Variants in TMEM178B observed in about 807,000 individuals in gnomAD.
The protein encoded by TMEM178B is transmembrane protein 178B.
In TMEM178B, 5 loss-of-function variants were observed where a neutral mutation model predicts 31.0. The observed-to-expected ratio is 0.16, with a 90% CI of 0.08 to 0.34. The LOEUF is 0.34. TMEM178B is among the 10% of genes least tolerant of loss of function. The pLI, the probability that TMEM178B is intolerant of heterozygous loss-of-function variation, is 1.00. For synonymous variants in TMEM178B, 164 were observed against 164.0 expected (o/e 1.00, Z 0.00); for missense variants, 275 against 400.3 (o/e 0.69, Z 2.67).
chr7:141,267,649 T>G (rs1299182351), intron 2 of TMEM178B, among the ~76,000 whole-genome samples: 2 of 152,242 alleles, frequency 1.3e-5, no homozygotes, highest in Non-Finnish European at 2.9e-5. Flanking sequence ...TACCAAGCCT[T>G]GTGTGCTTCA....
At chr7:141,457,751 G>A (rs1349008190) in intron 3 of TMEM178B, among the ~76,000 whole-genome samples, 1 of 152,190 alleles carries the variant, frequency 6.6e-6, no homozygotes. Flanking sequence ...AGGATTCTTT[G>A]TAATACTGAA....
intron 1 of TMEM178B, among the ~76,000 whole-genome samples, chr7:141,091,069 C>A (rs1468429983): frequency 6.6e-6 from 1 of 152,178 alleles, no homozygotes; most frequent in African/African-American, 2.4e-5. Flanking sequence ...TGATTCATAT[C>A]AAGGAAATAT....
intron 2 of TMEM178B, among the ~76,000 whole-genome samples, chr7:141,268,698 C>G (rs949923504): frequency 6.6e-6 from 1 of 152,076 alleles, no homozygotes; most frequent in African/African-American, 2.4e-5. Flanking sequence ...AGCATTTTTT[C>G]GAAGAATTGT....
At chr7:141,122,852 A>C (rs1012258211) in intron 1 of TMEM178B, among the ~76,000 whole-genome samples, 1 of 152,234 alleles carries the variant, frequency 6.6e-6, no homozygotes, top group Admixed American at 6.5e-5. Flanking sequence ...AGCTATGAAG[A>C]TAACCATTAC....
chr7:141,221,932 C>G (rs1352923436), intron 2 of TMEM178B, among the ~76,000 whole-genome samples: 1 of 152,248 alleles, frequency 6.6e-6, no homozygotes, highest in Non-Finnish European at 1.5e-5. Context: ...CCAGCCTAAC[C>G]TACTGAGTCA....
the TMEM178B span, among the ~76,000 whole-genome samples, chr7:141,509,651 AAAAAC>A: frequency 1.8e-3 from 274 of 152,284 alleles, 6 homozygotes; most frequent in East Asian, 0.04. Flanking sequence ...ATTCCTTCTC[AAAAAC>A]AAAACAAAAC....
At chr7:141,234,053 G>T (rs1409243476) in intron 2 of TMEM178B, among the ~76,000 whole-genome samples, 1 of 152,198 alleles carries the variant, frequency 6.6e-6, no homozygotes, top group Non-Finnish European at 1.5e-5. Context: ...CTTCTAAAAA[G>T]ATGTATGGTC....
intron 1 of TMEM178B, among the ~76,000 whole-genome samples, chr7:141,084,850 T>C (rs1447247783): frequency 3.3e-5 from 5 of 152,180 alleles, no homozygotes; most frequent in Admixed American, 2.6e-4. Flanking sequence ...AAACAGGTGA[T>C]TCAAAGATGA....
intron 2 of TMEM178B, chr7:141,429,966 A>G (rs1028406829): frequency 6.6e-5 from 10 of 152,268 alleles, no homozygotes; most frequent in Admixed American, 5.2e-4. Context: ...CTTTCCCAGC[A>G]GAGTCTCAGT....
intron 2 of TMEM178B, among the ~76,000 whole-genome samples, chr7:141,225,221 G>T (rs550298113): frequency 1.3e-5 from 2 of 152,196 alleles, no homozygotes; most frequent in South Asian, 2.1e-4. Context: ...CACATATCTC[G>T]TGCGGCAGGC....
intron 2 of TMEM178B, among the ~76,000 whole-genome samples, chr7:141,402,464 C>A (rs1281247367): frequency 6.6e-6 from 1 of 152,210 alleles, no homozygotes; most frequent in South Asian, 2.1e-4. Flanking sequence ...GGAGCTGCAT[C>A]TTGGTAGAGC....
rs116752982 is a variant in TMEM178B at position 141,340,835 on chromosome 7, G to A, written c.497-96773G>A. 8.5e-3 allele frequency among the ~76,000 whole-genome samples: 1,295 copies of A among 152,248 alleles called. 21 individuals carry two copies. The highest frequency in any genetic ancestry group is 0.029 in the African/African-American group (1,214 of 41,538). On this transcript the variant is annotated intron_variant, in intron 2 of 3. Transcript: ENST00000565468. The stretch of plus-strand genomic sequence containing the variant: ...AGAAAACAGCTTCTCTCCCTCTCGG[G>A]TGTATACAGAATACTGTATGCTGTT...
intron 1 of TMEM178B, among the ~76,000 whole-genome samples, chr7:141,175,478 G>GT: frequency 6.6e-6 from 1 of 152,098 alleles, no homozygotes; most frequent in Non-Finnish European, 1.5e-5. Flanking sequence ...ATTTAAAGTA[G>GT]TTTTTTCCAA....
intron 2 of TMEM178B, among the ~76,000 whole-genome samples, chr7:141,336,608 A>G (rs1249993074): frequency 1.3e-5 from 2 of 152,150 alleles, no homozygotes; most frequent in East Asian, 3.9e-4. Context: ...TCTTAGTTTT[A>G]TCATAAGGAT....
intron 3 of TMEM178B, among the ~76,000 whole-genome samples, chr7:141,459,545 T>A (rs574420826): frequency 9.3e-4 from 142 of 152,230 alleles, no homozygotes; most frequent in African/African-American, 3.3e-3. Flanking sequence ...TTTTAAAGAT[T>A]CAGAAAAAGT....
intron 2 of TMEM178B, among the ~76,000 whole-genome samples, chr7:141,328,749 T>G (rs1351979291): frequency 6.6e-6 from 1 of 152,214 alleles, no homozygotes; most frequent in Non-Finnish European, 1.5e-5. Flanking sequence ...CCAGGTTAAA[T>G]GACCTAGGCC....
At chr7:141,350,798 C>A (rs1184648387) in intron 2 of TMEM178B, among the ~76,000 whole-genome samples, 1 of 152,016 alleles carries the variant, frequency 6.6e-6, no homozygotes, top group East Asian at 1.9e-4. Context: ...ACACACAAAA[C>A]AAAAGACTTC....
intron 2 of TMEM178B, among the ~76,000 whole-genome samples, chr7:141,354,427 A>C (rs1799784632): frequency 6.6e-6 from 1 of 151,632 alleles, no homozygotes; most frequent in Admixed American, 6.6e-5. Context: ...CAACTCTGAA[A>C]CCTCAAATTT....
intron 3 of TMEM178B, among the ~76,000 whole-genome samples, chr7:141,458,131 A>G (rs1403709023): frequency 6.6e-6 from 1 of 152,094 alleles, no homozygotes; most frequent in African/African-American, 2.4e-5. Context: ...TTTGTTGTTT[A>G]TTGTTTGAGA....
Sources: allele counts gnomAD v4.1 joint callset (sites outside exome capture counted in the v4.1 genomes callset), GRCh38; gene constraint gnomAD v4.1.1; transcripts MANE v1.5; gene names NCBI Gene and HGNC (gene_info 2026-07-23, HGNC 2026-07-21).